Variants in DCC observed in about 807,000 individuals in gnomAD.
DCC encodes the protein DCC netrin 1 receptor.
Under a neutral mutation model 172.5 loss-of-function variants are expected in DCC, and 58 were observed. The observed-to-expected ratio is 0.34, with a 90% CI of 0.27 to 0.42. DCC has a LOEUF of 0.42. Ranked by LOEUF, DCC falls within the 10% of genes least tolerant of loss-of-function variation. The pLI is 1.00. For synonymous variants in DCC, 709 were observed against 644.5 expected, an observed-to-expected ratio of 1.10 and a Z score of -1.52; for missense variants, 1,740 against 1,791.0, an observed-to-expected ratio of 0.97 and a Z score of 0.51.
In DCC at chr18:53,508,087, G is replaced by A. The variant is rs1013528811; in HGVS notation, c.4111+8577G>A. Among the ~76,000 whole-genome samples the A allele has an allele frequency of 9.6e-4, 146 of 151,666 alleles. 1 individual carries two copies. Among genetic ancestry groups the A allele is most frequent in the African/African-American group, 3.4e-3 (141 of 41,390 alleles). On this transcript the variant is annotated intron_variant, in intron 27 of 28. Coordinates refer to ENST00000442544, the MANE Select transcript of DCC (RefSeq NM_005215.4). ...TTTTTGTATTTTTAGTAGAGACGGG[G>A]TTTCACCGTGTTAGCCAGGATGGTC...
At chr18:52,886,667 G>T (rs867598666) in intron 2 of DCC, among the ~76,000 whole-genome samples, 1 of 152,144 alleles carries the variant, frequency 6.6e-6, no homozygotes, top group Non-Finnish European at 1.5e-5. Flanking sequence ...CTGGGAAAAG[G>T]GGGAGGGATG....
intron 1 of DCC, among the ~76,000 whole-genome samples, chr18:52,551,370 G>T (rs562191617): frequency 3.3e-5 from 5 of 152,112 alleles, no homozygotes; most frequent in South Asian, 4.1e-4. Context: ...TGATAGTAAA[G>T]CATTTAAGAA....
chr18:52,368,858 G>A (rs1472141911), intron 1 of DCC, among the ~76,000 whole-genome samples: 1 of 152,176 alleles, frequency 6.6e-6, no homozygotes, highest in East Asian at 1.9e-4. Flanking sequence ...TCCTGCTTAT[G>A]TCCAAGGGAG....
chr18:52,502,482 G>C (rs1438272465), intron 1 of DCC, among the ~76,000 whole-genome samples: 3 of 152,012 alleles, frequency 2.0e-5, no homozygotes, highest in Non-Finnish European at 4.4e-5. Flanking sequence ...AAAGATACTG[G>C]GTGATATCCT....
intron 23 of DCC, among the ~76,000 whole-genome samples, chr18:53,455,073 C>A (rs2045467460): frequency 6.6e-6 from 1 of 152,202 alleles, no homozygotes; most frequent in Admixed American, 6.5e-5. Context: ...AATGTTTCTA[C>A]TTATCAATAT....
intron 1 of DCC, among the ~76,000 whole-genome samples, chr18:52,396,542 G>A (rs180760346): frequency 2.6e-5 from 4 of 152,056 alleles, no homozygotes; most frequent in Admixed American, 2.6e-4. Flanking sequence ...TTAGTCCCGA[G>A]GTGGCCTGAG....
intron 1 of DCC, among the ~76,000 whole-genome samples, chr18:52,372,183 C>T (rs963989860): frequency 2.0e-5 from 3 of 152,184 alleles, no homozygotes; most frequent in African/African-American, 7.2e-5. Context: ...TAGCAAGCCA[C>T]TAGGGAAGTT....
chr18:52,570,074 G>A (rs1430544061), intron 1 of DCC, among the ~76,000 whole-genome samples: 1 of 152,140 alleles, frequency 6.6e-6, no homozygotes, highest in Non-Finnish European at 1.5e-5. Context: ...AGCTCCCTCA[G>A]TTATATATAG....
At position 53,402,911 on chromosome 18, in the gene DCC, C is replaced by T; in HGVS notation, c.2935+18C>T. The T allele has an allele frequency of 1.1e-5, 17 of 1,541,890 alleles. No homozygotes were observed. The highest frequency in any genetic ancestry group is 1.5e-5 in the Non-Finnish European group (17 of 1,114,246). On this transcript the variant is annotated intron_variant, in intron 19 of 28. Coordinates refer to ENST00000442544, the MANE Select transcript of DCC (RefSeq NM_005215.4). ...AATTACTGGTAAGCATCTCCACTTT[C>T]TCTCCCAGCATAGCTCTCCCTTGTC...
intron 1 of DCC, among the ~76,000 whole-genome samples, chr18:52,619,186 C>G: frequency 6.6e-6 from 1 of 152,276 alleles, no homozygotes; most frequent in African/African-American, 2.4e-5. Context: ...GATCCACCTG[C>G]CTCTGCTACC....
chr18:52,718,830 G>A (rs1354604747), intron 1 of DCC, among the ~76,000 whole-genome samples: 1 of 152,158 alleles, frequency 6.6e-6, no homozygotes, highest in African/African-American at 2.4e-5. Flanking sequence ...CTTTGTGAAG[G>A]CAAGTCCTAA....
intron 21 of DCC, among the ~76,000 whole-genome samples, chr18:53,420,291 T>A (rs550029789): frequency 6.6e-6 from 1 of 152,326 alleles, no homozygotes; most frequent in South Asian, 2.1e-4. Flanking sequence ...CCTATATAGA[T>A]CTTCCTTTTC....
At chr18:52,370,755 A>G (rs141973988) in intron 1 of DCC, among the ~76,000 whole-genome samples, 1 of 152,384 alleles carries the variant, frequency 6.6e-6, no homozygotes, top group African/African-American at 2.4e-5. Context: ...TAATTAATTC[A>G]GAAAGCAATA....
chr18:53,524,837 G>GC (rs2046437399), intron 27 of DCC, among the ~76,000 whole-genome samples: 1 of 151,924 alleles, frequency 6.6e-6, no homozygotes, highest in African/African-American at 2.4e-5. Flanking sequence ...TTCTTACACC[G>GC]CCTGCCCATT....
chr18:53,094,139 C>T (rs1040590068), intron 7 of DCC, among the ~76,000 whole-genome samples: 5 of 152,056 alleles, frequency 3.3e-5, no homozygotes, highest in Admixed American at 3.3e-4. Flanking sequence ...AGACTTTTCC[C>T]AAGGTATTTT....
chr18:52,459,849 T>A (rs1988574115), intron 1 of DCC, among the ~76,000 whole-genome samples: 1 of 151,692 alleles, frequency 6.6e-6, no homozygotes, highest in Non-Finnish European at 1.5e-5. Flanking sequence ...GCAAAAGACA[T>A]GATCTCATTC....
intron 7 of DCC, among the ~76,000 whole-genome samples, chr18:53,137,140 TTAACA>T (rs1230847289): frequency 1.3e-5 from 2 of 152,216 alleles, no homozygotes; most frequent in East Asian, 3.9e-4. Context: ...ACTTAGCAAC[TTAACA>T]TAACACACAT....
intron 1 of DCC, among the ~76,000 whole-genome samples, chr18:52,549,985 G>A (rs997754371): frequency 3.3e-5 from 5 of 151,778 alleles, no homozygotes; most frequent in Admixed American, 1.3e-4. Context: ...CCTATGGAAA[G>A]ACCAAAAAAA....
rs2056721312 is a variant in DCC, at chr18:53,269,418, T to C, written c.1912-36160T>C. Among the ~76,000 whole-genome samples the C allele has an allele frequency of 3.3e-5, 5 of 152,046 alleles. No individual in the cohort carries two copies. The South Asian group carries it at 1.0e-3, about 32-fold the overall frequency. On this transcript the variant is annotated intron_variant, in intron 12 of 28. Coordinates refer to ENST00000442544, the MANE Select transcript of DCC (RefSeq NM_005215.4). ...AGTCAACCCTGAGCACAAAACTCCA[T>C]CCAAGGTGGTGACTCCAACTATGAC...
Sources: allele counts gnomAD v4.1 joint callset (sites outside exome capture counted in the v4.1 genomes callset), GRCh38; gene constraint gnomAD v4.1.1; transcripts MANE v1.5; gene names NCBI Gene and HGNC (gene_info 2026-07-23, HGNC 2026-07-21).